SLC9C2: variants seen among roughly 807,000 people sequenced by gnomAD.
SLC9C2 encodes the protein solute carrier family 9 member C2 (putative).
A neutral mutation model predicts 140.2 loss-of-function variants in SLC9C2; 75 were observed. That is an observed-to-expected ratio of 0.53 (90% CI 0.44 to 0.65). The LOEUF is 0.65. Among genes scored for constraint, SLC9C2 ranks in the 30% least tolerant of loss-of-function variants. The pLI, the probability that SLC9C2 is intolerant of heterozygous loss-of-function variation, is 0.00. For synonymous variants in SLC9C2, 375 were observed against 420.9 expected (o/e 0.89, Z 1.34); for missense variants, 1,074 against 1,331.8 (o/e 0.81, Z 3.01).
rs573968485 is a variant in SLC9C2, at chr1:173,551,965, A to G, written c.1297+2768T>C. On this transcript the variant is annotated intron_variant, in intron 11 of 27. Transcript: ENST00000367714. ...CACTAGTCAGCCAAGTTGTGAGTGGAAAAAAAAATCTCTTGAAAGAAATTA... is the reference window on the plus strand; with the variant it reads ...CACTAGTCAGCCAAGTTGTGAGTGGGAAAAAAAATCTCTTGAAAGAAATTA... Among the ~76,000 whole-genome samples, 3 of 151,972 alleles carry G rather than the reference A, an allele frequency of 2.0e-5. No individual in the cohort carries two copies. In the South Asian group the frequency reaches 6.2e-4, roughly 32 times the overall value.
intron 24 of SLC9C2, among the ~76,000 whole-genome samples, chr1:173,509,094 C>T (rs901878069): frequency 2.6e-5 from 4 of 151,992 alleles, no homozygotes; most frequent in African/African-American, 9.6e-5. Flanking sequence ...GGATTGACAA[C>T]CTGTAGGAAC....
chr1:173,576,589 G>T, intron 8 of SLC9C2, 72 bp downstream of exon 8: 1 of 854,074 alleles, frequency 1.2e-6, no homozygotes, highest in South Asian at 1.7e-5. Flanking sequence ...TTTTACTAGT[G>T]TCCATGAAGG....
At chr1:173,509,824 C>T (rs747127904) in intron 23 of SLC9C2, 125 bp from the exon 24 acceptor site, 2 of 948,712 alleles carry the variant, frequency 2.1e-6, no homozygotes, top group Non-Finnish European at 3.1e-6. Flanking sequence ...AATTATGATA[C>T]TCTTGTCATT....
intron 4 of SLC9C2, 53 bp from the exon 5 acceptor site, chr1:173,587,883 A>C: frequency 1.4e-6 from 2 of 1,381,706 alleles, no homozygotes; most frequent in South Asian, 2.7e-5. Context: ...AGATGGCATG[A>C]TGGCATTTAC....
intron 9 of SLC9C2, among the ~76,000 whole-genome samples, chr1:173,558,212 C>G (rs1378690151): frequency 6.6e-6 from 1 of 152,136 alleles, no homozygotes; most frequent in Non-Finnish European, 1.5e-5. Context: ...TATAATTGCA[C>G]AAGTCAATTT....
intron 19 of SLC9C2, among the ~76,000 whole-genome samples, chr1:173,525,933 T>G (rs1279497815): frequency 6.6e-6 from 1 of 152,248 alleles, no homozygotes; most frequent in East Asian, 1.9e-4. Flanking sequence ...AAACTTACAC[T>G]TTCATTCATT....
intron 25 of SLC9C2, 142 bp from the exon 26 acceptor site, chr1:173,505,473 A>G (rs1166067015): frequency 9.4e-6 from 6 of 635,736 alleles, no homozygotes; most frequent in African/African-American, 1.8e-5. Context: ...TCTAAATTTC[A>G]AATCCTCTTT....
intron 4 of SLC9C2, chr1:173,596,560 C>T (rs1429011579): frequency 2.0e-5 from 3 of 152,028 alleles, no homozygotes; most frequent in African/African-American, 7.2e-5. Context: ...TTATTCCATC[C>T]ATATATCTTC....
chr1:173,550,585 T>C (rs1428059303), intron 11 of SLC9C2, among the ~76,000 whole-genome samples: 4 of 151,502 alleles, frequency 2.6e-5, no homozygotes. Context: ...ACTACAGGCA[T>C]GCGCCACCAT....
intron 22 of SLC9C2, among the ~76,000 whole-genome samples, chr1:173,520,707 A>G (rs1262445671): frequency 2.0e-5 from 3 of 152,254 alleles, no homozygotes; most frequent in African/African-American, 7.2e-5. Flanking sequence ...ATGATATTTT[A>G]AGGTCTAATA....
At chr1:173,514,388 T>C (rs945218149) in intron 23 of SLC9C2, among the ~76,000 whole-genome samples, 1 of 152,248 alleles carries the variant, frequency 6.6e-6, no homozygotes. Context: ...CTTGTTGAAT[T>C]GATCCCTTTA....
chr1:173,531,872 T>G (rs1221558648), intron 17 of SLC9C2, among the ~76,000 whole-genome samples: 1 of 152,208 alleles, frequency 6.6e-6, no homozygotes, highest in Admixed American at 6.5e-5. Context: ...TAAATACTGA[T>G]TACCTAAAGA....
intron 22 of SLC9C2, among the ~76,000 whole-genome samples, chr1:173,519,186 G>A (rs1439896301): frequency 2.0e-5 from 3 of 152,094 alleles, no homozygotes; most frequent in Non-Finnish European, 2.9e-5. Flanking sequence ...GATGTGTGAA[G>A]GATTCCATAT....
chr1:173,545,856 C>T (rs1331848762), intron 13 of SLC9C2, among the ~76,000 whole-genome samples: 1 of 152,158 alleles, frequency 6.6e-6, no homozygotes, highest in East Asian at 1.9e-4. Context: ...GCCTCATTCA[C>T]AAGTCTGGAA....
intron 26 of SLC9C2, 124 bp downstream of exon 26, chr1:173,505,123 G>A (rs6687872): frequency 0.23 from 174,667 of 773,954 alleles, 25,201 homozygotes; most frequent in East Asian, 0.64. Flanking sequence ...TGGGCCCAAG[G>A]ATGGGGACTA....
intron 9 of SLC9C2, among the ~76,000 whole-genome samples, chr1:173,562,784 GTTAT>G: frequency 6.6e-6 from 1 of 152,220 alleles, no homozygotes; most frequent in Non-Finnish European, 1.5e-5. Flanking sequence ...GATTCTTACA[GTTAT>G]TTAGTCATTC....
At chr1:173,587,969 GTTTAACCAC>G in intron 4 of SLC9C2, 139 bp from the exon 5 acceptor site, 1 of 569,924 alleles carries the variant, frequency 1.8e-6, no homozygotes, top group Non-Finnish European at 2.8e-6. Flanking sequence ...AGGTATTCTA[GTTTAACCAC>G]CTGCCACAAA....
At chr1:173,537,611 T>C (rs1463947643) in intron 13 of SLC9C2, among the ~76,000 whole-genome samples, 2 of 152,000 alleles carry the variant, frequency 1.3e-5, no homozygotes, top group African/African-American at 4.8e-5. Flanking sequence ...TATATATGTA[T>C]ATATATGTAT....
chr1:173,529,758 A>G, intron 18 of SLC9C2, 147 bp downstream of exon 18: 1 of 796,762 alleles, frequency 1.3e-6, no homozygotes, highest in South Asian at 1.8e-5. Flanking sequence ...TGTTCTCTGT[A>G]GCACCTCATA....
Sources: allele counts gnomAD v4.1 joint callset (sites outside exome capture counted in the v4.1 genomes callset), GRCh38; gene constraint gnomAD v4.1.1; transcripts MANE v1.5; gene names NCBI Gene and HGNC (gene_info 2026-07-23, HGNC 2026-07-21).